The following XRCC6 variants were observed in gnomAD, a reference collection of about 807,000 sequenced individuals.
The protein encoded by XRCC6 is X-ray repair cross complementing 6, also known as DNA repair protein Ku70.
In XRCC6, 5 loss-of-function variants were observed where a neutral mutation model predicts 65.7. That is an observed-to-expected ratio of 0.08 (90% CI 0.04 to 0.16). XRCC6 has a LOEUF of 0.16. Among genes scored for constraint, XRCC6 ranks in the 10% least tolerant of loss-of-function variants. The pLI is 1.00. For synonymous variants in XRCC6, 270 were observed against 270.6 expected (o/e 1.00, Z 0.02); for missense variants, 447 against 738.1 (o/e 0.61, Z 4.57).
intron 11 of XRCC6, among the ~76,000 whole-genome samples, chr22:41,661,124 A>C (rs1425439991): frequency 6.6e-6 from 1 of 152,204 alleles, no homozygotes; most frequent in Non-Finnish European, 1.5e-5. Flanking sequence ...TAAAGCATTT[A>C]CAACAGTGCC....
chr22:41,636,436 C>T, intron 4 of XRCC6, 80 bp from the exon 5 acceptor site: 1 of 1,558,176 alleles, frequency 6.4e-7, no homozygotes, highest in South Asian at 1.2e-5. Flanking sequence ...AAAAAGGGTC[C>T]TTCTGTTAGT....
At chr22:41,624,850 A>T (rs965245386) in intron 2 of XRCC6, among the ~76,000 whole-genome samples, 1 of 150,100 alleles carries the variant, frequency 6.7e-6, no homozygotes, top group African/African-American at 2.5e-5. Flanking sequence ...ACAAAAAAAT[A>T]GCCAGGCGTG....
At chr22:41,658,806 C>T (rs2147116389) in intron 11 of XRCC6, among the ~76,000 whole-genome samples, 1 of 152,150 alleles carries the variant, frequency 6.6e-6, no homozygotes, top group South Asian at 2.1e-4. Flanking sequence ...TGGCGTGTGC[C>T]TGTAGTCCCA....
At chr22:41,627,797 C>T (rs1052257078) in intron 2 of XRCC6, among the ~76,000 whole-genome samples, 2 of 152,008 alleles carry the variant, frequency 1.3e-5, no homozygotes, top group East Asian at 1.9e-4. Flanking sequence ...TGGCTTGAGC[C>T]CAGGAGTTCG....
intron 6 of XRCC6, among the ~76,000 whole-genome samples, chr22:41,639,010 C>T (rs546089264): frequency 2.0e-5 from 3 of 152,116 alleles, no homozygotes; most frequent in Non-Finnish European, 4.4e-5. Flanking sequence ...AAACTTACGA[C>T]AGCTATGATG....
At chr22:41,649,744 A>C (rs2147103959) in intron 7 of XRCC6, among the ~76,000 whole-genome samples, 2 of 151,700 alleles carry the variant, frequency 1.3e-5, no homozygotes, top group Middle Eastern at 6.8e-3. Flanking sequence ...AGTCCCAGCT[A>C]CTCGTGGGGC....
intron 6 of XRCC6, among the ~76,000 whole-genome samples, chr22:41,646,085 C>T (rs770109915): frequency 6.6e-6 from 1 of 151,800 alleles, no homozygotes; most frequent in Non-Finnish European, 1.5e-5. Context: ...GGGTGAATCA[C>T]GAGGTCAGGA....
At chr22:41,641,547 T>A (rs927683773) in intron 6 of XRCC6, among the ~76,000 whole-genome samples, 1 of 152,084 alleles carries the variant, frequency 6.6e-6, no homozygotes, top group African/African-American at 2.4e-5. Context: ...AAGTATTAGA[T>A]CTTATTCATT....
chr22:41,640,640 A>G (rs1423678364), intron 6 of XRCC6, among the ~76,000 whole-genome samples: 1 of 152,186 alleles, frequency 6.6e-6, no homozygotes, highest in African/African-American at 2.4e-5. Flanking sequence ...AACCCAAGAA[A>G]TTTTTTTGAG....
At chr22:41,638,673 T>C (rs2067838282) in intron 6 of XRCC6, among the ~76,000 whole-genome samples, 1 of 146,000 alleles carries the variant, frequency 6.8e-6, no homozygotes, top group East Asian at 2.0e-4. Context: ...TAGTCCCAGC[T>C]ACTCAGGAGG....
intron 2 of XRCC6, among the ~76,000 whole-genome samples, chr22:41,625,143 TA>T (rs1443345498): frequency 6.6e-6 from 1 of 150,802 alleles, no homozygotes; most frequent in Non-Finnish European, 1.5e-5. Flanking sequence ...CTGTCTCTAC[TA>T]AAAATACAAA....
At chr22:41,636,823 T>G in intron 5 of XRCC6, 53 bp downstream of exon 5, 1 of 1,561,982 alleles carries the variant, frequency 6.4e-7, no homozygotes, top group Non-Finnish European at 8.6e-7. Context: ...TGTTTTTTTA[T>G]TTTTTATTTT....
intron 7 of XRCC6, among the ~76,000 whole-genome samples, chr22:41,648,825 G>A (rs566321999): frequency 1.2e-4 from 19 of 152,092 alleles, no homozygotes; most frequent in Admixed American, 3.9e-4. Flanking sequence ...TTTATTCATA[G>A]GCAGTAAGCT....
At chr22:41,641,078 T>C (rs1450820878) in intron 6 of XRCC6, among the ~76,000 whole-genome samples, 1 of 152,074 alleles carries the variant, frequency 6.6e-6, no homozygotes, top group Non-Finnish European at 1.5e-5. Flanking sequence ...CTGTCTCTCT[T>C]TATTAAAAAA....
intron 11 of XRCC6, among the ~76,000 whole-genome samples, chr22:41,659,633 C>G (rs1405014784): frequency 6.6e-6 from 1 of 152,084 alleles, no homozygotes; most frequent in African/African-American, 2.4e-5. Flanking sequence ...AGCCACCATG[C>G]TCACTACTTT....
intron 11 of XRCC6, among the ~76,000 whole-genome samples, chr22:41,659,546 G>T (rs2068080849): frequency 6.6e-6 from 1 of 152,004 alleles, no homozygotes; most frequent in Non-Finnish European, 1.5e-5. Context: ...CACCATGTTG[G>T]CCAGGCTGGT....
Position 41,622,034 on chromosome 22 carries a change from C to T in XRCC6, c.30C>T (p.Thr10=), listed in dbSNP as rs372416521. The T allele has an allele frequency of 2.7e-4, 435 of 1,614,080 alleles. No individual in the cohort carries two copies. The highest frequency in any genetic ancestry group is 3.4e-4 in the Non-Finnish European group (403 of 1,180,040). ...CAGGGTGGGAGTCATATTACAAAAC[C>T]GAGGGCGATGAAGAAGCAGAGGAAG... MSGWESYYK[T]EGDEEAEEEQ... The change falls in exon 2 of 13, where the codon ACC becomes ACT. Residue 10 remains threonine, a synonymous_variant. Coordinates refer to ENST00000360079, the MANE Select transcript of XRCC6 (RefSeq NM_001469.5).
intron 11 of XRCC6, among the ~76,000 whole-genome samples, chr22:41,659,201 G>T (rs577207633): frequency 8.5e-5 from 13 of 152,142 alleles, no homozygotes; most frequent in African/African-American, 2.9e-4. Flanking sequence ...AAAAGCAGAA[G>T]AGTTATTGGA....
At chr22:41,628,965 CAA>C (rs11413169) in intron 3 of XRCC6, among the ~76,000 whole-genome samples, 16 of 62,728 alleles carry the variant, frequency 2.6e-4, no homozygotes, top group African/African-American at 5.2e-4. Flanking sequence ...GACTCTGTCT[CAA>C]AAAAAAAAAA....
Sources: allele counts gnomAD v4.1 joint callset (sites outside exome capture counted in the v4.1 genomes callset), GRCh38; gene constraint gnomAD v4.1.1; transcripts MANE v1.5; gene names NCBI Gene and HGNC (gene_info 2026-07-23, HGNC 2026-07-21).